NXN: variants seen among roughly 807,000 people sequenced by gnomAD.
The protein encoded by NXN is nucleoredoxin 1.
NXN carries 16 observed loss-of-function variants against 48.6 expected under a neutral mutation model. The observed-to-expected ratio is 0.33, with a 90% CI of 0.22 to 0.50. NXN has a LOEUF of 0.50. Among genes scored for constraint, NXN ranks in the 20% least tolerant of loss-of-function variants. NXN has a pLI of 0.98. For synonymous variants in NXN, 281 were observed against 269.6 expected (o/e 1.04, Z -0.41); for missense variants, 492 against 605.5 (o/e 0.81, Z 1.97).
chr17:805,056 T>C lies in NXN; in HGVS notation c.1000+12A>G. The C allele has an allele frequency of 6.7e-7, 1 of 1,492,702 alleles. No homozygotes were observed. 92.5% of individuals were successfully genotyped at this position (1,492,702 alleles called of 1,614,324 possible). ...AGCCACCCCTCGCCCCCTGCCCCCG[T>C]GAGCTTCATACCTACAAAAAGGACG... On this transcript the variant is annotated intron_variant, in intron 6 of 7. Coordinates refer to ENST00000336868, the MANE Select transcript of NXN (RefSeq NM_022463.5).
At chr17:894,994 CTTTTTTTTTTTTTTTTTTTTTTTTTT>C (rs778350779) in intron 1 of NXN, among the ~76,000 whole-genome samples, 5 of 60,822 alleles carry the variant, frequency 8.2e-5, no homozygotes, top group East Asian at 1.2e-3. Flanking sequence ...TCACCCTTTC[CTTTTTTTTTTTTTTTTTTTTTTTTTT>C]TTTTTTTTTT....
intron 1 of NXN, among the ~76,000 whole-genome samples, chr17:940,308 G>A (rs1186860242): frequency 6.6e-6 from 1 of 151,680 alleles, no homozygotes; most frequent in Non-Finnish European, 1.5e-5. Context: ...TGCCTAGGCA[G>A]GTCTCAAACT....
At chr17:959,290 G>A (rs2069207688) in intron 1 of NXN, 1 of 402,548 alleles carries the variant, frequency 2.5e-6, no homozygotes, top group Non-Finnish European at 4.3e-6. Context: ...TGGAATGCAG[G>A]TATCATCACA....
intron 1 of NXN, among the ~76,000 whole-genome samples, chr17:856,146 T>C (rs1458714144): frequency 6.6e-6 from 1 of 151,454 alleles, no homozygotes; most frequent in Admixed American, 6.6e-5. Flanking sequence ...TGAGCCAAGG[T>C]CGCGCCACTG....
intron 1 of NXN, among the ~76,000 whole-genome samples, chr17:840,140 G>A (rs1411231108): frequency 6.6e-6 from 1 of 151,762 alleles, no homozygotes; most frequent in Non-Finnish European, 1.5e-5. Context: ...CATTTCTACT[G>A]GACCATAAAT....
At chr17:895,291 A>T (rs911847926) in intron 1 of NXN, among the ~76,000 whole-genome samples, 27 of 151,806 alleles carry the variant, frequency 1.8e-4, no homozygotes, top group Non-Finnish European at 1.2e-4. Flanking sequence ...TGCTGGGATG[A>T]CAGGCATGAG....
chr17:857,727 T>C (rs989307814), intron 1 of NXN, among the ~76,000 whole-genome samples: 5 of 152,138 alleles, frequency 3.3e-5, no homozygotes, highest in African/African-American at 9.7e-5. Flanking sequence ...GCCATCAAAA[T>C]AGGGCAGGGG....
chr17:876,865 A>G (rs1359529131), intron 1 of NXN, among the ~76,000 whole-genome samples: 4 of 151,932 alleles, frequency 2.6e-5, no homozygotes, highest in Non-Finnish European at 4.4e-5. Context: ...TGGCCAACAC[A>G]GTGAAACCCC....
At chr17:870,656 G>C (rs2068141703) in intron 1 of NXN, among the ~76,000 whole-genome samples, 1 of 151,978 alleles carries the variant, frequency 6.6e-6, no homozygotes, top group South Asian at 2.1e-4. Flanking sequence ...TTGAGAGGCT[G>C]AGGTGGGAGG....
chr17:809,470 T>C (rs775143883), intron 5 of NXN, among the ~76,000 whole-genome samples: 5 of 151,940 alleles, frequency 3.3e-5, no homozygotes, highest in Non-Finnish European at 7.4e-5. Flanking sequence ...ACACGGAGTT[T>C]TGAAGCAGGT....
rs573692430 is a variant in NXN, at chr17:964,297, C to T, written c.360+15022G>A. ...GTTTTGTTGTAAGGATCTCTATTTG[C>T]CTGAACTGTTGGCTCAGGGGCAGAA... On this transcript the variant is annotated intron_variant, in intron 1 of 7. Coordinates refer to ENST00000336868, the MANE Select transcript of NXN (RefSeq NM_022463.5). 4.0e-5 allele frequency among the ~76,000 whole-genome samples: 6 copies of T among 151,878 alleles called. 1 individual carries two copies. In the South Asian group the frequency reaches 1.2e-3, roughly 32 times the overall value.
chr17:876,257 G>GAA (rs1555617287), intron 1 of NXN, among the ~76,000 whole-genome samples: 1 of 151,488 alleles, frequency 6.6e-6, no homozygotes, highest in Non-Finnish European at 1.5e-5. Flanking sequence ...GAGAAGAAAA[G>GAA]AAAAGAAAAG....
At chr17:812,014 G>A (rs888864292) in intron 5 of NXN, among the ~76,000 whole-genome samples, 31 of 139,610 alleles carry the variant, frequency 2.2e-4, no homozygotes, top group Middle Eastern at 4.1e-3. Context: ...TGCAAGCTCC[G>A]TCTCCCGGGT....
At chr17:891,333 C>T (rs1324791183) in intron 1 of NXN, among the ~76,000 whole-genome samples, 1 of 152,200 alleles carries the variant, frequency 6.6e-6, no homozygotes, top group Non-Finnish European at 1.5e-5. Context: ...TCCCAAAGTG[C>T]TAGGATTACA....
rs1567828137 is a variant in NXN, at chr17:841,647, ACAGCGCATCTCACGC to A, written c.361-15584_361-15570del. Among the ~76,000 whole-genome samples, 247 of 141,372 alleles carry A rather than the reference ACAGCGCATCTCACGC, an allele frequency of 1.7e-3. 6 individuals carry two copies. The highest frequency in any genetic ancestry group is 2.2e-3 in the Non-Finnish European group (138 of 64,146). The allele number at this position is 141,372 out of a possible 152,430, so 92.7% of individuals were successfully genotyped here. ...ACGGGCAAGCAGGTCCACCCTGACCACAGCGCATCTCACGCCGGCGAGCAGGTCCACCCTGACCAT... is the reference window on the plus strand; with the variant it reads ...ACGGGCAAGCAGGTCCACCCTGACCACGGCGAGCAGGTCCACCCTGACCAT... On this transcript the variant is annotated intron_variant, in intron 1 of 7. Transcript: ENST00000336868.
At chr17:834,267 A>T (rs1169505927) in intron 1 of NXN, among the ~76,000 whole-genome samples, 3 of 152,164 alleles carry the variant, frequency 2.0e-5, no homozygotes, top group Non-Finnish European at 4.4e-5. Flanking sequence ...GGCTACGATG[A>T]GCTGTGATCG....
Position 979,386 on chromosome 17 carries a change from C to T in NXN, c.293G>A (p.Arg98Gln), listed in dbSNP as rs764262520. The part of the protein sequence containing the change: ...IVFVSSDQDQ[R>Q]QWQDFVRDMP... Reference sequence around the variant, plus strand: ...GTCCCGCACGAAGTCCTGCCACTGCCGCTGGTCCTGGTCCGAGGACACGAA... The same window carrying T: ...GTCCCGCACGAAGTCCTGCCACTGCTGCTGGTCCTGGTCCGAGGACACGAA... The change falls in exon 1 of 8, where the codon CGG becomes CAG. Residue 98 changes from arginine to glutamine, a missense_variant. Arg to Gln is a conservative substitution (Grantham distance 43, BLOSUM62 1). Coordinates refer to ENST00000336868, the MANE Select transcript of NXN (RefSeq NM_022463.5). 7 of 1,530,108 alleles carry T rather than the reference C, an allele frequency of 4.6e-6. No homozygotes were observed. The East Asian group carries it at 1.9e-4, about 43-fold the overall frequency. 94.8% of individuals were successfully genotyped at this position (1,530,108 alleles called of 1,614,324 possible).
At chr17:902,338 T>G (rs2068545164) in intron 1 of NXN, among the ~76,000 whole-genome samples, 1 of 152,126 alleles carries the variant, frequency 6.6e-6, no homozygotes, top group African/African-American at 2.4e-5. Context: ...CGAGGATCCG[T>G]GAGGTTGATA....
At position 917,151 on chromosome 17, in the gene NXN, G is replaced by A. The variant is rs2068696156; in HGVS notation, c.360+62168C>T. ...CCAAGGAATGAGGTGTTCCACGCCTGAGCTCACATCTTTTTTTTTTTTTTC... is the reference window on the plus strand; with the variant it reads ...CCAAGGAATGAGGTGTTCCACGCCTAAGCTCACATCTTTTTTTTTTTTTTC... On this transcript the variant is annotated intron_variant, in intron 1 of 7. Transcript: ENST00000336868. This position sits in a 1 kb window ranked among gnomAD's most constrained non-coding sequence, Gnocchi z 4.5. Among the ~76,000 whole-genome samples, 1 of 151,760 alleles carries A rather than the reference G, an allele frequency of 6.6e-6. No homozygotes were observed. The highest frequency in any genetic ancestry group is 2.4e-5 in the African/African-American group (1 of 41,148).
Sources: gnomAD v4.1 joint callset for allele counts (sites outside exome capture counted in the v4.1 genomes callset) on GRCh38, gnomAD v4.1.1 for gene constraint, Gnocchi (gnomAD v3.1) non-coding constraint, MANE v1.5 for transcripts, NCBI Gene and HGNC (gene_info 2026-07-23, HGNC 2026-07-21) for gene names.